Variants in PBRM1 observed in about 807,000 individuals in gnomAD.
PBRM1 encodes the protein polybromo 1.
A neutral mutation model predicts 194.5 loss-of-function variants in PBRM1; 27 were observed. The observed-to-expected ratio is 0.14, with a 90% CI of 0.10 to 0.19. PBRM1 has a LOEUF of 0.19. Ranked by LOEUF, PBRM1 falls within the 10% of genes least tolerant of loss-of-function variation. PBRM1 has a pLI of 1.00. For missense variants in PBRM1, 1,466 were observed against 2,077.2 expected, an observed-to-expected ratio of 0.71 and a Z score of 5.72; for synonymous variants, 655 against 693.2, an observed-to-expected ratio of 0.94 and a Z score of 0.87.
At chr3:52,594,566 G>A (rs1035903254) in intron 17 of PBRM1, among the ~76,000 whole-genome samples, 24 of 152,102 alleles carry the variant, frequency 1.6e-4, no homozygotes, top group African/African-American at 5.6e-4. Flanking sequence ...CTTTTAATTG[G>A]AGTATTTAGC....
At chr3:52,575,414 C>G (rs2089189849) in intron 22 of PBRM1, among the ~76,000 whole-genome samples, 1 of 151,502 alleles carries the variant, frequency 6.6e-6, no homozygotes, top group East Asian at 1.9e-4. Flanking sequence ...CAAGAAGGCA[C>G]AGCCCATTCA....
chr3:52,583,894 C>T (rs1347767755), intron 20 of PBRM1, among the ~76,000 whole-genome samples: 3 of 152,170 alleles, frequency 2.0e-5, no homozygotes, highest in Non-Finnish European at 4.4e-5. Context: ...ATCCACTTGT[C>T]TTGGCATCCC....
intron 17 of PBRM1, among the ~76,000 whole-genome samples, chr3:52,600,286 T>C (rs560806438): frequency 1.3e-5 from 2 of 152,340 alleles, no homozygotes; most frequent in African/African-American, 4.8e-5. Flanking sequence ...AAATTTCCTC[T>C]TCACCTTCAG....
At chr3:52,564,202 G>C (rs1257279713) in exon 23 of PBRM1, 1 of 1,613,562 alleles carries the variant, frequency 6.2e-7, no homozygotes, top group Non-Finnish European at 8.5e-7. Flanking sequence ...TGCAGGAGAG[G>C]AAGTCCTTGA....
At chr3:52,627,284 G>T (rs2153578264) in exon 13 of PBRM1, 1 of 1,595,592 alleles carries the variant, frequency 6.3e-7, no homozygotes, top group South Asian at 1.1e-5. Flanking sequence ...TTTTTCTTTT[G>T]GCACTACCAG....
rs1175599522 is a variant in PBRM1, at chr3:52,609,693, G to C, written c.2187C>G (p.Val729=). Residue 729 remains valine, a synonymous_variant, in exon 16 of 30, where the codon GTC becomes GTG. Coordinates refer to ENST00000296302, the Ensembl canonical transcript of PBRM1. This position sits in a 1 kb window ranked among gnomAD's most constrained non-coding sequence, Gnocchi z 4.1. ...ATGTACAGGCATTATTAAACATCAT[G>C]ACAAAGTCCTCAACCATAGAGTCAA... 1 of 1,613,342 alleles carries C rather than the reference G, an allele frequency of 6.2e-7. No homozygotes were observed. Among genetic ancestry groups the C allele is most frequent in the Non-Finnish European group, 8.5e-7 (1 of 1,179,728 alleles).
intron 29 of PBRM1, 50 bp downstream of exon 31, chr3:52,550,371 G>T: frequency 1.0e-6 from 1 of 973,090 alleles, no homozygotes; most frequent in Non-Finnish European, 1.5e-6. Context: ...CAGTAAGACA[G>T]CTTTGAGGAA....
chr3:52,628,920 C>T (rs768428845), exon 12 of PBRM1: 1 of 1,613,898 alleles, frequency 6.2e-7, no homozygotes, highest in Non-Finnish European at 8.5e-7. Flanking sequence ...AATTTTAGAA[C>T]TCGCTTGTAG....
At chr3:52,678,055 TA>T (rs2097142983) in intron 2 of PBRM1, among the ~76,000 whole-genome samples, 1 of 151,584 alleles carries the variant, frequency 6.6e-6, no homozygotes, top group South Asian at 2.1e-4. Flanking sequence ...AAATTTTTTG[TA>T]GAGATGGGTC....
rs1230428034 is a variant in PBRM1 at position 52,564,918 on chromosome 3, G to A, written c.3692-685C>T. ...CCTATCATATATAAAAATTAATTTG[G>A]CCAGGCGCAGTGGCTCATGCCTGTA... On this transcript the variant is annotated intron_variant, in intron 22 of 29. Transcript: ENST00000296302. 3.9e-5 allele frequency among the ~76,000 whole-genome samples: 6 copies of A among 152,108 alleles called. 1 individual carries two copies. Among genetic ancestry groups the A allele is most frequent in the Non-Finnish European group, 8.8e-5 (6 of 68,032 alleles).
At chr3:52,637,442 G>C (rs2095863265) in intron 10 of PBRM1, among the ~76,000 whole-genome samples, 1 of 151,942 alleles carries the variant, frequency 6.6e-6, no homozygotes, top group South Asian at 2.1e-4. Context: ...GACCAGTATG[G>C]GCAAAATGAT....
chr3:52,549,505 CAAAA>C (rs781516498), intron 29 of PBRM1, among the ~76,000 whole-genome samples: 42 of 151,846 alleles, frequency 2.8e-4, no homozygotes, highest in Non-Finnish European at 5.2e-4. Flanking sequence ...GCCTGAAAAA[CAAAA>C]CAAAACAAAA....
At chr3:52,596,787 G>GC (rs11459666) in intron 17 of PBRM1, among the ~76,000 whole-genome samples, 3,833 of 152,116 alleles carry the variant, frequency 0.025, 176 homozygotes, top group African/African-American at 0.088. Context: ...TTTCGGAGCT[G>GC]CCCAGGGTTG....
chr3:52,650,786 A>T (rs1367422703), intron 6 of PBRM1, among the ~76,000 whole-genome samples: 1 of 152,234 alleles, frequency 6.6e-6, no homozygotes, highest in Non-Finnish European at 1.5e-5. Flanking sequence ...AAAGTGACAT[A>T]GCTGATTAAG....
intron 10 of PBRM1, among the ~76,000 whole-genome samples, chr3:52,641,446 CAAAAAAAAA>C (rs386396638): frequency 1.4e-5 from 1 of 69,958 alleles, no homozygotes; most frequent in Non-Finnish European, 2.6e-5. Context: ...GACTCCATCT[CAAAAAAAAA>C]AAAAAAAAGA....
intron 7 of PBRM1, 45 bp from the exon 9 acceptor site, chr3:52,644,834 G>C (rs764163760): frequency 9.4e-6 from 9 of 953,158 alleles, no homozygotes; most frequent in Non-Finnish European, 1.7e-6. Context: ...ACAGATAAAA[G>C]GACAGCTTAA....
upstream of PBRM1, among the ~76,000 whole-genome samples, chr3:52,683,364 A>G (rs2097247358): frequency 6.6e-6 from 1 of 151,010 alleles, no homozygotes; most frequent in African/African-American, 2.4e-5. Context: ...ACAGAGCGAG[A>G]CCGTCTCAAG....
chr3:52,633,765 C>T (rs1403425127), intron 11 of PBRM1, among the ~76,000 whole-genome samples: 4 of 152,134 alleles, frequency 2.6e-5, no homozygotes, highest in Non-Finnish European at 4.4e-5. Flanking sequence ...ATTAGTGATG[C>T]TGAGCACCTT....
chr3:52,674,639 AAAAAATAT>A (rs1273179537), intron 2 of PBRM1, among the ~76,000 whole-genome samples: 151 of 129,032 alleles, frequency 1.2e-3, no homozygotes, highest in South Asian at 1.2e-3. Flanking sequence ...AAAAAAAAAA[AAAAAATAT>A]ATATATATAT....
Sources: gnomAD v4.1 joint callset for allele counts (sites outside exome capture counted in the v4.1 genomes callset) on GRCh38, gnomAD v4.1.1 for gene constraint, Gnocchi (gnomAD v3.1) non-coding constraint, MANE v1.5 for transcripts, NCBI Gene and HGNC (gene_info 2026-07-23, HGNC 2026-07-21) for gene names.